Variants in NAALADL2 observed in about 807,000 individuals in gnomAD.
NAALADL2 encodes the protein inactive N-acetylated-alpha-linked acidic dipeptidase-like protein 2.
NAALADL2 carries 76 observed loss-of-function variants against 87.2 expected under a neutral mutation model. The ratio of observed to expected loss-of-function variants is 0.87; its 90% confidence interval spans 0.72 to 1.05. The LOEUF is 1.05. Ranked by LOEUF, NAALADL2 falls within the 50% of genes least tolerant of loss-of-function variation. The pLI is 0.00. For missense variants in NAALADL2, 1,089 were observed against 945.8 expected (o/e 1.15, Z -1.99); for synonymous variants, 354 against 331.0 (o/e 1.07, Z -0.75).
At chr3:174,869,552 C>T (rs1181763922) in intron 1 of NAALADL2, among the ~76,000 whole-genome samples, 3 of 152,060 alleles carry the variant, frequency 2.0e-5, no homozygotes, top group Non-Finnish European at 1.5e-5. Flanking sequence ...TACAGAGAGT[C>T]GGTAATGGAG....
rs531576812 is a variant in NAALADL2 at position 175,730,322 on chromosome 3, A to G, written c.1897-6984A>G. On this transcript the variant is annotated intron_variant, in intron 11 of 13. Transcript: ENST00000454872. ...TTACAGTTATCCCATATAAAAGTTT[A>G]TCTTTCTTTGGCCTGTAGTAATTTT... 1.0e-3 allele frequency among the ~76,000 whole-genome samples: 150 copies of G among 147,032 alleles called. 1 individual carries two copies. Among genetic ancestry groups the G allele is most frequent in the Non-Finnish European group, 1.6e-3 (110 of 66,764 alleles).
chr3:174,889,793 A>G (rs980016844), intron 1 of NAALADL2, among the ~76,000 whole-genome samples: 1 of 152,174 alleles, frequency 6.6e-6, no homozygotes, highest in African/African-American at 2.4e-5. Context: ...CCTGTATTTG[A>G]CTAAGATCAA....
chr3:175,394,746 C>T lies in NAALADL2; in HGVS notation c.1091-52483C>T, dbSNP rs144521762. The stretch of plus-strand genomic sequence containing the variant: ...CCACAGATATTACTGAACGCCATTA[C>T]AGTCAATCAGCACGTTTCTGTTCAT... On this transcript the variant is annotated intron_variant, in intron 5 of 13. Coordinates refer to ENST00000454872, the MANE Select transcript of NAALADL2 (RefSeq NM_207015.3). Among the ~76,000 whole-genome samples the T allele has an allele frequency of 1.8e-4, 28 of 152,316 alleles. No individual in the cohort carries two copies. In the East Asian group the frequency reaches 3.7e-3, roughly 20 times the overall value.
chr3:175,157,253 T>C (rs371295820), intron 2 of NAALADL2, among the ~76,000 whole-genome samples: 1 of 152,112 alleles, frequency 6.6e-6, no homozygotes. Flanking sequence ...CTAAATAAAA[T>C]ACAGCATGAA....
intron 11 of NAALADL2, among the ~76,000 whole-genome samples, chr3:175,663,042 T>C (rs1274366712): frequency 6.6e-6 from 1 of 151,944 alleles, no homozygotes; most frequent in African/African-American, 2.4e-5. Flanking sequence ...TGGAAATATT[T>C]ACTGCTCTTT....
chr3:174,474,621 C>T (rs1717104664), intron 1 of NAALADL2, among the ~76,000 whole-genome samples: 1 of 152,056 alleles, frequency 6.6e-6, no homozygotes, highest in Non-Finnish European at 1.5e-5. Context: ...GTAAAATTCT[C>T]CTGTTACCAC....
At chr3:174,738,668 T>G (rs969653031) in intron 3 of NAALADL2, among the ~76,000 whole-genome samples, 4 of 152,156 alleles carry the variant, frequency 2.6e-5, no homozygotes, top group Non-Finnish European at 5.9e-5. Flanking sequence ...GCCTTGAGAT[T>G]GAATTAATTT....
chr3:175,687,028 T>C (rs1157991389), intron 11 of NAALADL2, among the ~76,000 whole-genome samples: 1 of 152,156 alleles, frequency 6.6e-6, no homozygotes, highest in African/African-American at 2.4e-5. Context: ...TACAAAGTTA[T>C]GAGGGGGCAG....
At chr3:175,029,078 T>C (rs1210049212) in intron 1 of NAALADL2, among the ~76,000 whole-genome samples, 1 of 148,882 alleles carries the variant, frequency 6.7e-6, no homozygotes, top group Non-Finnish European at 1.5e-5. Flanking sequence ...AAACTCAAAA[T>C]GTGCATGCAA....
chr3:174,527,743 ACATC>A (rs1380350493), intron 1 of NAALADL2, among the ~76,000 whole-genome samples: 4 of 152,174 alleles, frequency 2.6e-5, no homozygotes, highest in African/African-American at 9.7e-5. Context: ...TATTAATAAA[ACATC>A]CATCACATTT....
chr3:174,951,356 G>A (rs745667901), intron 1 of NAALADL2, among the ~76,000 whole-genome samples: 6 of 152,006 alleles, frequency 3.9e-5, no homozygotes, highest in Non-Finnish European at 8.8e-5. Flanking sequence ...GATATGGTAA[G>A]AAAGAACCTG....
At chr3:175,299,208 C>A (rs148653151) in intron 4 of NAALADL2, among the ~76,000 whole-genome samples, 3,692 of 152,204 alleles carry the variant, frequency 0.024, 61 homozygotes, top group Non-Finnish European at 0.04. Context: ...AGCGTGATGC[C>A]TCCAGCTTTG....
chr3:175,661,161 T>A (rs1281354207), intron 11 of NAALADL2, among the ~76,000 whole-genome samples: 1 of 152,092 alleles, frequency 6.6e-6, no homozygotes, highest in Non-Finnish European at 1.5e-5. Flanking sequence ...ACACTCGTTA[T>A]TTTTTGTCTT....
intron 5 of NAALADL2, among the ~76,000 whole-genome samples, chr3:175,437,091 C>G (rs1275124137): frequency 6.8e-6 from 1 of 147,970 alleles, no homozygotes; most frequent in Admixed American, 6.8e-5. Context: ...TTCCCAGCAC[C>G]ATTTATTAAA....
At chr3:174,885,876 GTTTTTTTTTTTTTTTTTTTTTTTTTTT>G (rs60403770) in intron 1 of NAALADL2, among the ~76,000 whole-genome samples, 36 of 101,662 alleles carry the variant, frequency 3.5e-4, no homozygotes, top group Admixed American at 1.9e-3. Context: ...AGTCCGAGTT[GTTTTTTTTTTTTTTTTTTTTTTTTTTT>G]TTTTTTTTTT....
intron 9 of NAALADL2, among the ~76,000 whole-genome samples, chr3:175,520,970 A>T (rs779248843): frequency 3.3e-5 from 5 of 152,142 alleles, no homozygotes; most frequent in Admixed American, 6.5e-5. Context: ...TTCTGTTGGT[A>T]ATTTGAGAGA....
intron 1 of NAALADL2, among the ~76,000 whole-genome samples, chr3:174,924,629 A>T (rs1245841749): frequency 6.6e-6 from 1 of 152,120 alleles, no homozygotes; most frequent in Non-Finnish European, 1.5e-5. Context: ...TCCTTGAGGA[A>T]TCGCCACACT....
intron 2 of NAALADL2, among the ~76,000 whole-genome samples, chr3:175,145,420 G>A (rs1251734845): frequency 6.6e-6 from 1 of 152,100 alleles, no homozygotes; most frequent in East Asian, 1.9e-4. Flanking sequence ...TGTTAAGGAC[G>A]TTGAACAGAT....
chr3:175,586,042 A>T (rs1250199901), intron 10 of NAALADL2, among the ~76,000 whole-genome samples: 1 of 152,214 alleles, frequency 6.6e-6, no homozygotes. Flanking sequence ...ATGTGCTCTA[A>T]CAATAAACTC....
Sources: gnomAD v4.1 joint callset for allele counts (sites outside exome capture counted in the v4.1 genomes callset) on GRCh38, gnomAD v4.1.1 for gene constraint, MANE v1.5 for transcripts, NCBI Gene and HGNC (gene_info 2026-07-23, HGNC 2026-07-21) for gene names.